Variants in EIF2B1 observed in about 807,000 individuals in gnomAD.
EIF2B1 encodes the protein eukaryotic translation initiation factor 2B subunit alpha, also known as translation initiation factor eIF2B subunit alpha.
A neutral mutation model predicts 36.8 loss-of-function variants in EIF2B1; 30 were observed. That is an observed-to-expected ratio of 0.81 (90% CI 0.61 to 1.10). The LOEUF is 1.10. EIF2B1 is among the 50% of genes least tolerant of loss of function. The probability of loss-of-function intolerance (pLI) is 0.00; values close to 1 mark genes in which losing one functional copy is unlikely to be tolerated. For synonymous variants in EIF2B1, 139 were observed against 142.2 expected, an observed-to-expected ratio of 0.98 and a Z score of 0.16; for missense variants, 271 against 374.8, an observed-to-expected ratio of 0.72 and a Z score of 2.29.
chr12:123,632,507 CTTG>C (rs2135768553), intron 1 of EIF2B1, 61 bp from the exon 2 acceptor site: 3 of 1,135,152 alleles, frequency 2.6e-6, no homozygotes, highest in Non-Finnish European at 4.0e-6. Context: ...GGCAAGAGAG[CTTG>C]TTAATGACTG....
intron 4 of EIF2B1, among the ~76,000 whole-genome samples, chr12:123,628,205 G>A (rs1323400332): frequency 2.6e-5 from 4 of 152,112 alleles, no homozygotes; most frequent in Non-Finnish European, 4.4e-5. Flanking sequence ...ACAGATGTGC[G>A]CCACTGTGAC....
At chr12:123,622,813 A>G (rs774618659) in intron 7 of EIF2B1, 52 bp from the exon 8 acceptor site, 1 of 1,609,774 alleles carries the variant, frequency 6.2e-7, no homozygotes, top group Non-Finnish European at 8.5e-7. Flanking sequence ...TCTGAAGTAG[A>G]AGCCACAGAA....
chr12:123,622,218 C>T, intron 8 of EIF2B1, among the ~76,000 whole-genome samples: 1 of 152,180 alleles, frequency 6.6e-6, no homozygotes, highest in South Asian at 2.1e-4. Context: ...AGAGAGCTTG[C>T]AGCGTGCCAG....
In EIF2B1 at chr12:123,620,580, T is replaced by TTTTATATA. The variant is rs1491406627; in HGVS notation, c.*1175_*1176insTATATAAA. The stretch of plus-strand genomic sequence containing the variant: ...GGTCACATATAGACATATGTACATA[T>TTTTATATA]TATATATATATATATATATATATAT... On this transcript the variant is annotated 3_prime_UTR_variant, in exon 9 of 9. Transcript: ENST00000424014. 4 of 65,362 alleles carry TTTTATATA rather than the reference T, an allele frequency of 6.1e-5. No homozygotes were observed. Among genetic ancestry groups the TTTTATATA allele is most frequent in the South Asian group, 9.9e-4 (2 of 2,020 alleles). 4.0% of individuals were successfully genotyped at this position (65,362 alleles called of 1,614,324 possible). A position where few individuals can be genotyped will look rare whatever the true frequency, so the allele number is the denominator to read the frequency against.
chr12:123,627,287 A>G, intron 4 of EIF2B1, 131 bp from the exon 5 acceptor site: 2 of 776,550 alleles, frequency 2.6e-6, no homozygotes, highest in Admixed American at 2.0e-5. Context: ...CACAACCAGA[A>G]AGGAGACCTG....
At position 123,630,443 on chromosome 12, in the gene EIF2B1, C is replaced by G; in HGVS notation, c.206G>C (p.Gly69Ala). 6.2e-7 allele frequency: 1 copy of G among 1,614,058 alleles called. No individual in the cohort carries two copies. Among genetic ancestry groups the G allele is most frequent in the East Asian group, 2.2e-5 (1 of 44,882 alleles). The change falls in exon 3 of 9, where the codon GGG (glycine) becomes GCG (alanine). Residue 69 changes from glycine (G) to alanine (A), a missense_variant. Transcript: ENST00000424014. This position sits in a 1 kb window ranked among gnomAD's most constrained non-coding sequence, Gnocchi z 4.6. ...ACTGATGAAGCGGAGGAAGAGCTCC[C>G]CGCCAGAGGACACTGCCACAGAGGA... is the stretch of plus-strand genomic sequence containing the variant. ...VDSSVAVSSGGELFLRFISLA... is the reference protein window; with the variant it reads ...VDSSVAVSSGAELFLRFISLA...
chr12:123,622,887 A>C, intron 7 of EIF2B1, 126 bp from the exon 8 acceptor site: 2 of 1,422,984 alleles, frequency 1.4e-6, no homozygotes, highest in Admixed American at 3.4e-5. Context: ...AGGTGGGTGG[A>C]TCACCTGAAC....
chr12:123,622,075 T>C (rs527402665), intron 8 of EIF2B1, among the ~76,000 whole-genome samples, 155 bp from the exon 9 acceptor site: 22 of 152,272 alleles, frequency 1.4e-4, no homozygotes, highest in Admixed American at 1.3e-4. Flanking sequence ...AGGGCAGAGT[T>C]GTGGCCATGA....
At chr12:123,624,748 A>G in intron 7 of EIF2B1, 39 bp downstream of exon 7, 5 of 1,574,608 alleles carry the variant, frequency 3.2e-6, no homozygotes, top group Non-Finnish European at 4.4e-6. Flanking sequence ...GACACCTCCA[A>G]GTCTTGAGCA....
At position 123,629,793 on chromosome 12, in the gene EIF2B1, A is replaced by AAAAT. The variant is rs577936569; in HGVS notation, c.369+372_369+375dup. 5.2e-3 allele frequency among the ~76,000 whole-genome samples: 792 copies of AAAAT among 152,014 alleles called. 19 individuals are homozygous for AAAAT. Among genetic ancestry groups the AAAAT allele is most frequent in the Admixed American group, 0.039 (589 of 15,254 alleles). On this transcript the variant is annotated intron_variant, in intron 4 of 8. Coordinates refer to ENST00000424014, the MANE Select transcript of EIF2B1 (RefSeq NM_001414.4). Reference sequence around the variant, plus strand: ...GGGTGACAGAGCAAGACTCCGTCTCAAAATAAATAAATAAATAAATAAAAT... The same window carrying AAAAT: ...GGGTGACAGAGCAAGACTCCGTCTCAAAATAAATAAATAAATAAATAAATAAAAT...
chr12:123,626,928 G>A (rs752454891), intron 5 of EIF2B1, 116 bp downstream of exon 5: 46 of 915,558 alleles, frequency 5.0e-5, no homozygotes, highest in Non-Finnish European at 7.5e-5. Context: ...ATGAAAGGCA[G>A]TGCTGACTGC....
chr12:123,627,044 C>A lies in EIF2B1; in HGVS notation c.482G>T (p.Gly161Val). 6.2e-7 allele frequency: 1 copy of A among 1,613,986 alleles called. No homozygotes were observed. Among genetic ancestry groups the A allele is most frequent in the Non-Finnish European group, 8.5e-7 (1 of 1,179,882 alleles). Residue 161 changes from glycine to valine, a missense_variant and splice_region_variant, in exon 5 of 9, where the codon GGT becomes GTT. Transcript: ENST00000424014. The part of the protein sequence containing the change: ...YVTESQPDLS[G>V]KKMAKALCHL... ...CATAACTGAACAGAAAGGTACTTGC[C>A]CTGACAAATCAGGCTGTGACTCTGT...
chr12:123,624,792 T>G lies in EIF2B1; in HGVS notation c.622A>C (p.Asn208His). 6.2e-7 allele frequency: 1 copy of G among 1,613,934 alleles called. No homozygotes were observed. Among genetic ancestry groups the G allele is most frequent in the Non-Finnish European group, 8.5e-7 (1 of 1,179,808 alleles). ...GGGAGAACTGATGCTCTTACCTTGT[T>G]AATAATTCCTCCGTTTTCAACAACT... is the stretch of plus-strand genomic sequence containing the variant. ...EGVVENGGII[N>H]KIGTNQMAVC... The change falls in exon 7 of 9, where the codon AAC (asparagine) becomes CAC (histidine). Residue 208 changes from asparagine to histidine, a missense_variant. Asn to His is a moderately conservative substitution (Grantham distance 68). Coordinates refer to ENST00000424014, the MANE Select transcript of EIF2B1 (RefSeq NM_001414.4).
At chr12:123,632,263 G>A (rs1279406422) in intron 2 of EIF2B1, 82 bp downstream of exon 2, 25 of 951,876 alleles carry the variant, frequency 2.6e-5, no homozygotes, top group Admixed American at 1.1e-4. Flanking sequence ...GTGAGGCTCC[G>A]TCTCTTTAAA....
At chr12:123,622,187 G>C (rs1359115557) in intron 8 of EIF2B1, among the ~76,000 whole-genome samples, 1 of 152,186 alleles carries the variant, frequency 6.6e-6, no homozygotes, top group African/African-American at 2.4e-5. Flanking sequence ...GACCTCTCAA[G>C]GGAAGATCGA....
intron 6 of EIF2B1, among the ~76,000 whole-genome samples, chr12:123,625,467 C>T (rs1955141665): frequency 1.3e-5 from 2 of 152,070 alleles, no homozygotes; most frequent in South Asian, 4.1e-4. Context: ...TGAACTCTAG[C>T]GATCCACCTG....
At position 123,621,855 on chromosome 12, in the gene EIF2B1, G is replaced by A. The variant is rs138684204; in HGVS notation, c.819C>T (p.Val273=). ...TGATTAAGGAAGGGGCAGTGTAGTC[G>A]ACCCACGGATGCTCCTCTTTGAGGT... ...GQDLKEEHPW[V]DYTAPSLITL... The change falls in exon 9 of 9, where the codon GTC becomes GTT. Residue 273 remains valine (V), a synonymous_variant. Coordinates refer to ENST00000424014, the MANE Select transcript of EIF2B1 (RefSeq NM_001414.4). 55 of 1,613,908 alleles carry A rather than the reference G, an allele frequency of 3.4e-5. No individual in the cohort carries two copies. Among genetic ancestry groups the A allele is most frequent in the African/African-American group, 5.3e-5 (4 of 74,908 alleles).
Position 123,632,379 on chromosome 12 carries a change from G to A in EIF2B1, c.81C>T (p.Ile27=). 1 of 1,613,586 alleles carries A rather than the reference G, an allele frequency of 6.2e-7. No homozygotes were observed. Among genetic ancestry groups the A allele is most frequent in the East Asian group, 2.2e-5 (1 of 44,876 alleles). ...TCTTCAAGAACTCCAGCAACGTCCGGATGGCAGCCACTGCTGAGGCCATGT... is the reference window on the plus strand; with the variant it reads ...TCTTCAAGAACTCCAGCAACGTCCGAATGGCAGCCACTGCTGAGGCCATGT... ...DPDMASAVAA[I]RTLLEFLKRD... The change falls in exon 2 of 9, where the codon ATC becomes ATT. Residue 27 remains isoleucine, a synonymous_variant. Transcript: ENST00000424014.
chr12:123,632,336 T>G lies in EIF2B1; in HGVS notation c.115+9A>C. On this transcript the variant is annotated intron_variant, in intron 2 of 8. Coordinates refer to ENST00000424014, the MANE Select transcript of EIF2B1 (RefSeq NM_001414.4). ...GTCCCAGAGTGTTAACAGATGACTC[T>G]CTATATACCTTTATCTCTCTTCAAG... is the stretch of plus-strand genomic sequence containing the variant. The G allele has an allele frequency of 6.4e-7, 1 of 1,560,376 alleles. No homozygotes were observed. Among genetic ancestry groups the G allele is most frequent in the Non-Finnish European group, 8.8e-7 (1 of 1,132,558 alleles).
Sources: gnomAD v4.1 joint callset for allele counts (sites outside exome capture counted in the v4.1 genomes callset) on GRCh38, gnomAD v4.1.1 for gene constraint, Gnocchi (gnomAD v3.1) non-coding constraint, MANE v1.5 for transcripts, NCBI Gene and HGNC (gene_info 2026-07-23, HGNC 2026-07-21) for gene names.